The following DNM1 variants were observed in gnomAD, a reference collection of about 807,000 sequenced individuals.
The protein encoded by DNM1 is dynamin-1.
DNM1 carries 29 observed loss-of-function variants against 104.6 expected under a neutral mutation model. The ratio of observed to expected loss-of-function variants is 0.28; its 90% CI spans 0.21 to 0.38. The LOEUF is 0.38. Ranked by LOEUF, DNM1 falls within the 10% of genes least tolerant of loss-of-function variation. The pLI is 1.00. For missense variants in DNM1, 640 were observed against 1,189.4 expected (o/e 0.54, Z 6.79); for synonymous variants, 445 against 475.8 (o/e 0.94, Z 0.84).
At position 128,222,726 on chromosome 9, in the gene DNM1, G is replaced by A. The variant is rs1285273088; in HGVS notation, c.1129-67G>A. On this transcript the variant is annotated intron_variant, in intron 8 of 21. Transcript: ENST00000372923. This position sits in a 1 kb window ranked among gnomAD's most constrained non-coding sequence, Gnocchi z 7.8. Reference sequence around the variant, plus strand: ...ATGCCCAGCCCTAGGTGTGGGGTGGGCCCTGTCTTGACCTCCCAGGTAGTA... The same window carrying A: ...ATGCCCAGCCCTAGGTGTGGGGTGGACCCTGTCTTGACCTCCCAGGTAGTA... 1.2e-5 allele frequency: 19 copies of A among 1,605,638 alleles called. No individual in the cohort carries two copies. The highest frequency in any genetic ancestry group is 1.6e-5 in the Non-Finnish European group (19 of 1,173,392).
In DNM1 at chr9:128,220,738, C is replaced by CGTGTGTGTGTGTGTGT. The variant is rs776283695; in HGVS notation, c.849+398_849+399insTGTGTGTGTGTGTGTG. On this transcript the variant is annotated intron_variant, in intron 6 of 21. Coordinates refer to ENST00000372923, the MANE Select transcript of DNM1 (RefSeq NM_004408.4). This position sits in a 1 kb window ranked among gnomAD's most constrained non-coding sequence, Gnocchi z 5.2. ...CATCCAGAACTGAAGTGCGCGCGCG[C>CGTGTGTGTGTGTGTGT]GCGCGTGTGTGTGTGTGTGTGTGTG... Among the ~76,000 whole-genome samples the CGTGTGTGTGTGTGTGT allele has an allele frequency of 3.1e-5, 3 of 96,380 alleles. No individual in the cohort carries two copies. Among genetic ancestry groups the CGTGTGTGTGTGTGTGT allele is most frequent in the Non-Finnish European group, 5.7e-5 (3 of 52,418 alleles). 63.2% of individuals were successfully genotyped at this position (96,380 alleles called of 152,430 possible). A position where few individuals can be genotyped will look rare whatever the true frequency, so the allele number is the denominator to read the frequency against.
Position 128,203,420 on chromosome 9 carries a change from C to T in DNM1, c.-51C>T. ...TGCAGCGGCGGAGCCGGAGTCGGAG[C>T]CGGGAGCGCTAGCGGCAGCCGGATC... On this transcript the variant is annotated 5_prime_UTR_variant, in exon 1 of 22. Coordinates refer to ENST00000372923, the MANE Select transcript of DNM1 (RefSeq NM_004408.4). The surrounding 1 kb of genome is among the most constrained non-coding windows in gnomAD (Gnocchi z 5.3). 4 of 1,395,496 alleles carry T rather than the reference C, an allele frequency of 2.9e-6. No homozygotes were observed. The highest frequency in any genetic ancestry group is 3.7e-6 in the Non-Finnish European group (4 of 1,071,588). 86.4% of individuals were successfully genotyped at this position (1,395,496 alleles called of 1,614,324 possible). A position where few individuals can be genotyped will look rare whatever the true frequency, so the allele number is the denominator to read the frequency against.
intron 16 of DNM1, chr9:128,246,930 C>A (rs777110644): frequency 2.4e-5 from 6 of 246,236 alleles, no homozygotes; most frequent in Non-Finnish European, 4.0e-5. Context: ...TGCTCTCTTT[C>A]CTATAGGGTG....
intron 20 of DNM1, 48 bp from the exon 21 acceptor site, chr9:128,250,677 A>G: frequency 7.2e-7 from 1 of 1,396,288 alleles, no homozygotes; most frequent in South Asian, 1.4e-5. Flanking sequence ...GGGTGGGCGG[A>G]GCTGCTCATC....
In DNM1 at chr9:128,213,819, C is replaced by G. The variant is rs972263730; in HGVS notation, c.162-4412C>G. Among the ~76,000 whole-genome samples the G allele has an allele frequency of 5.3e-5, 8 of 152,152 alleles. No individual in the cohort carries two copies. In the South Asian group the frequency reaches 1.4e-3, roughly 28 times the overall value. On this transcript the variant is annotated intron_variant, in intron 1 of 21. Coordinates refer to ENST00000372923, the MANE Select transcript of DNM1 (RefSeq NM_004408.4). ...TTGTGACAAACAAGTCTAGCCTAGTCCCTGCTCCCGGGGCCATCAGAACAT... is the reference window on the plus strand; with the variant it reads ...TTGTGACAAACAAGTCTAGCCTAGTGCCTGCTCCCGGGGCCATCAGAACAT...
chr9:128,254,790 C>A lies in DNM1; in HGVS notation c.*76C>A, dbSNP rs1219877697. ...GCTGTTCTGTGACTTGACAGTGGCT[C>A]CCCCAGCCCCAAAGCCAGCCCCCTT... is the stretch of plus-strand genomic sequence containing the variant. On this transcript the variant is annotated 3_prime_UTR_variant, in exon 22 of 22. Transcript: ENST00000372923. This position sits in a 1 kb window ranked among gnomAD's most constrained non-coding sequence, Gnocchi z 6.1. The A allele has an allele frequency of 8.9e-6, 11 of 1,238,002 alleles. No homozygotes were observed. The highest frequency in any genetic ancestry group is 2.7e-4 in the Middle Eastern group (1 of 3,716). 76.7% of individuals were successfully genotyped at this position (1,238,002 alleles called of 1,614,324 possible).
chr9:128,203,667 C>T lies in DNM1; in HGVS notation c.161+36C>T, dbSNP rs762975001. 6.8e-7 allele frequency: 1 copy of T among 1,476,884 alleles called. No individual in the cohort carries two copies. The highest frequency in any genetic ancestry group is 2.4e-5 in the Admixed American group (1 of 41,564). The allele number at this position is 1,476,884 out of a possible 1,614,324, so 91.5% of individuals were successfully genotyped here. A position where few individuals can be genotyped will look rare whatever the true frequency, so the allele number is the denominator to read the frequency against. ...CGCGCCCCCAGGCGCCGACCCCCGA[C>T]CCCCGGGATCCCTGGAGTCCCCGCC... is the stretch of plus-strand genomic sequence containing the variant. On this transcript the variant is annotated intron_variant, in intron 1 of 21. Transcript: ENST00000372923. The surrounding 1 kb of genome is among the most constrained non-coding windows in gnomAD (Gnocchi z 5.3).
chr9:128,219,890 A>AG (rs1834839941), intron 4 of DNM1, 98 bp from the exon 5 acceptor site: 1 of 886,630 alleles, frequency 1.1e-6, no homozygotes, highest in Non-Finnish European at 1.7e-6. Context: ...GTGAGCAGGC[A>AG]GGGGGCCGAG....
chr9:128,238,449 C>T (rs1836149580), intron 11 of DNM1, among the ~76,000 whole-genome samples: 1 of 151,988 alleles, frequency 6.6e-6, no homozygotes, highest in Non-Finnish European at 1.5e-5. Context: ...GTCTCGAACT[C>T]CTGACCTCAG....
chr9:128,226,432 C>T (rs961036193), intron 10 of DNM1, among the ~76,000 whole-genome samples: 2 of 152,272 alleles, frequency 1.3e-5, no homozygotes, highest in African/African-American at 4.8e-5. Flanking sequence ...GAGATGGCAG[C>T]TGTTTACTGA....
chr9:128,218,129 T>C lies in DNM1; in HGVS notation c.162-102T>C. 1.8e-6 allele frequency: 2 copies of C among 1,131,732 alleles called. No homozygotes were observed. Among genetic ancestry groups the C allele is most frequent in the Non-Finnish European group, 2.7e-6 (2 of 741,132 alleles). 70.1% of individuals were successfully genotyped at this position (1,131,732 alleles called of 1,614,324 possible). A position where few individuals can be genotyped will look rare whatever the true frequency, so the allele number is the denominator to read the frequency against. On this transcript the variant is annotated intron_variant, in intron 1 of 21. Transcript: ENST00000372923. The surrounding 1 kb of genome is among the most constrained non-coding windows in gnomAD (Gnocchi z 4.8). ...GGCTAAGGAGCGGTGGAGCCAGCAC[T>C]TTGGAAGGAGCTTTGGCTTTCCCAG...
chr9:128,229,127 C>T (rs1341150918), intron 10 of DNM1, among the ~76,000 whole-genome samples: 1 of 152,174 alleles, frequency 6.6e-6, no homozygotes, highest in Non-Finnish European at 1.5e-5. Context: ...AGGCTGGGCT[C>T]ACACCTGTAA....
chr9:128,242,960 T>C (rs1475175957), intron 15 of DNM1, among the ~76,000 whole-genome samples: 1 of 152,036 alleles, frequency 6.6e-6, no homozygotes, highest in Non-Finnish European at 1.5e-5. Flanking sequence ...CCAGCAGCCT[T>C]CCTGTTTTCC....
chr9:128,210,196 T>A (rs917820834), intron 1 of DNM1, among the ~76,000 whole-genome samples: 3 of 151,988 alleles, frequency 2.0e-5, no homozygotes, highest in Non-Finnish European at 2.9e-5. Context: ...ATGACAGGCA[T>A]GTGTCACCAC....
At chr9:128,233,824 C>T in intron 10 of DNM1, 197 bp from the exon 11 acceptor site, 1 of 591,564 alleles carries the variant, frequency 1.7e-6, no homozygotes. Context: ...CCATTTGGAA[C>T]CCACACTTGG....
At chr9:128,236,970 C>T (rs563852278) in intron 11 of DNM1, among the ~76,000 whole-genome samples, 1 of 152,232 alleles carries the variant, frequency 6.6e-6, no homozygotes, top group Non-Finnish European at 1.5e-5. Flanking sequence ...AAACCACAAG[C>T]CTGCTGTGTG....
Position 128,218,757 on chromosome 9 carries a change from C to T in DNM1, c.385+26C>T, listed in dbSNP as rs371175099. ...GTGAGGACCCTGGCCCCGCCCTAAC[C>T]TCTAAGAATCATTTTCTTGGCCACG... On this transcript the variant is annotated intron_variant, in intron 3 of 21. Transcript: ENST00000372923. The surrounding 1 kb of genome is among the most constrained non-coding windows in gnomAD (Gnocchi z 4.8). The T allele has an allele frequency of 1.5e-5, 24 of 1,568,620 alleles. No individual in the cohort carries two copies. In the East Asian group the frequency reaches 3.4e-4, roughly 22 times the overall value.
chr9:128,220,722 C>A lies in DNM1; in HGVS notation c.849+381C>A, dbSNP rs57475781. ...TCCATCTGGAATGGGGCATCCAGAA[C>A]TGAAGTGCGCGCGCGCGCGCGTGTG... On this transcript the variant is annotated intron_variant, in intron 6 of 21. Coordinates refer to ENST00000372923, the MANE Select transcript of DNM1 (RefSeq NM_004408.4). The surrounding 1 kb of genome is among the most constrained non-coding windows in gnomAD (Gnocchi z 5.2). Among the ~76,000 whole-genome samples the A allele has an allele frequency of 3.1e-4, 45 of 143,776 alleles. No homozygotes were observed. The East Asian group carries it at 8.3e-3, about 26-fold the overall frequency. 94.3% of individuals were successfully genotyped at this position (143,776 alleles called of 152,430 possible). A position where few individuals can be genotyped will look rare whatever the true frequency, so the allele number is the denominator to read the frequency against.
chr9:128,235,827 A>G (rs1024486033), intron 11 of DNM1, among the ~76,000 whole-genome samples: 2 of 152,048 alleles, frequency 1.3e-5, no homozygotes, highest in African/African-American at 4.8e-5. Flanking sequence ...CGATCCTCCG[A>G]CTTTAGCCTC....
Sources: allele counts gnomAD v4.1 joint callset (sites outside exome capture counted in the v4.1 genomes callset), GRCh38; gene constraint gnomAD v4.1.1; non-coding constraint Gnocchi (gnomAD v3.1); transcripts MANE v1.5; gene names NCBI Gene and HGNC (gene_info 2026-07-23, HGNC 2026-07-21).